SEC14L1: variants seen among roughly 807,000 people sequenced by gnomAD.
SEC14L1 encodes SEC14-like protein 1.
Under a neutral mutation model 85.3 loss-of-function variants are expected in SEC14L1, and 48 were observed. That is an observed-to-expected ratio of 0.56 (90% CI 0.45 to 0.72). The LOEUF is 0.72. Among genes scored for constraint, SEC14L1 ranks in the 30% least tolerant of loss-of-function variants. The pLI, the probability that SEC14L1 is intolerant of heterozygous loss-of-function variation, is 0.00. For missense variants in SEC14L1, 682 were observed against 921.4 expected (o/e 0.74, Z 3.36); for synonymous variants, 391 against 355.5 (o/e 1.10, Z -1.12).
At chr17:77,207,995 C>T (rs1407616481) in intron 13 of SEC14L1, among the ~76,000 whole-genome samples, 4 of 152,084 alleles carry the variant, frequency 2.6e-5, no homozygotes, top group African/African-American at 7.2e-5. Context: ...TGGCACACGG[C>T]GGTGGCTGAA....
intron 3 of SEC14L1, among the ~76,000 whole-genome samples, chr17:77,122,480 T>C (rs1247892922): frequency 6.6e-6 from 1 of 152,152 alleles, no homozygotes; most frequent in Non-Finnish European, 1.5e-5. Flanking sequence ...TTTTTTATTT[T>C]TTGTAAAAAC....
intron 13 of SEC14L1, among the ~76,000 whole-genome samples, chr17:77,207,403 TG>T (rs1976520436): frequency 1.3e-5 from 2 of 151,822 alleles, no homozygotes; most frequent in Admixed American, 1.3e-4. Context: ...GCGAATTTTT[TG>T]TAGAGGCAGA....
At position 77,212,062 on chromosome 17, in the gene SEC14L1, A is replaced by G; in HGVS notation, c.1724A>G (p.Lys575Arg). Residue 575 changes from lysine (K) to arginine (R), a missense_variant, in exon 15 of 17, where the codon AAA (lysine) becomes AGA (arginine). Lys to Arg is a conservative substitution (Grantham distance 26). Around this residue, in one of 3 missense-constraint regions of SEC14L1, gnomAD observed 420 missense variants for 619.5 expected, o/e 0.68. Coordinates refer to ENST00000436233, the MANE Select transcript of SEC14L1 (RefSeq NM_001143998.2). ...TCCAAGAGGTCGCCACAACCACCCAAAAAGGACTCCCTGGGAGCCCACAGC... is the reference window on the plus strand; with the variant it reads ...TCCAAGAGGTCGCCACAACCACCCAGAAAGGACTCCCTGGGAGCCCACAGC... ...YHSKRSPQPP[K>R]KDSLGAHSIT... 6.2e-7 allele frequency: 1 copy of G among 1,614,134 alleles called. No homozygotes were observed. Among genetic ancestry groups the G allele is most frequent in the South Asian group, 1.1e-5 (1 of 91,082 alleles).
chr17:77,147,483 A>AT (rs1480487534), intron 3 of SEC14L1, among the ~76,000 whole-genome samples: 2 of 152,132 alleles, frequency 1.3e-5, no homozygotes, highest in Non-Finnish European at 2.9e-5. Context: ...GTTTTGTTAG[A>AT]TATCAGCCCA....
intron 15 of SEC14L1, 79 bp downstream of exon 15, chr17:77,212,280 T>C: frequency 6.4e-7 from 1 of 1,560,052 alleles, no homozygotes; most frequent in Non-Finnish European, 8.7e-7. Context: ...GACTCTTTGC[T>C]TCGCTCCTTG....
At chr17:77,137,432 G>T (rs1972831037), upstream of SEC14L1, among the ~76,000 whole-genome samples, 1 of 152,190 alleles carries the variant, frequency 6.6e-6, no homozygotes, top group Non-Finnish European at 1.5e-5. Flanking sequence ...ATTTTTAAGT[G>T]AGAAGATCTC....
intron 3 of SEC14L1, among the ~76,000 whole-genome samples, chr17:77,164,490 C>T (rs1488404654): frequency 6.6e-6 from 1 of 152,204 alleles, no homozygotes; most frequent in Admixed American, 6.5e-5. Context: ...AGCGCTCCCC[C>T]TTTGTTGGTG....
chr17:77,154,003 T>C (rs1238620228), intron 3 of SEC14L1, among the ~76,000 whole-genome samples: 1 of 152,238 alleles, frequency 6.6e-6, no homozygotes, highest in Non-Finnish European at 1.5e-5. Flanking sequence ...AGCAGCCCTC[T>C]GTATCCTTGT....
At chr17:77,089,972 TCACA>T (rs56206682) in intron 2 of SEC14L1, 3,078 of 133,682 alleles carry the variant, frequency 0.023, 68 homozygotes, top group Admixed American at 0.06. Flanking sequence ...GGAGCCGAGA[TCACA>T]CACACCACTG....
At chr17:77,158,720 T>C (rs1973917160) in intron 3 of SEC14L1, among the ~76,000 whole-genome samples, 1 of 151,764 alleles carries the variant, frequency 6.6e-6, no homozygotes, top group African/African-American at 2.4e-5. Context: ...CCGATGGACG[T>C]TGGGTTGTTT....
At chr17:77,201,899 A>G (rs145452765) in intron 9 of SEC14L1, among the ~76,000 whole-genome samples, 1 of 152,342 alleles carries the variant, frequency 6.6e-6, no homozygotes, top group Non-Finnish European at 1.5e-5. Flanking sequence ...GGTGACAAAT[A>G]CAAGATAAAT....
At chr17:77,152,578 A>G (rs1472386183) in intron 3 of SEC14L1, 3 of 151,280 alleles carry the variant, frequency 2.0e-5, no homozygotes, top group East Asian at 1.9e-4. Flanking sequence ...TGCCAGCTCT[A>G]TTGCAAGTTA....
intron 3 of SEC14L1, among the ~76,000 whole-genome samples, chr17:77,099,700 G>T (rs1035943384): frequency 2.0e-5 from 3 of 152,152 alleles, no homozygotes; most frequent in Admixed American, 2.0e-4. Context: ...AGGTTGCAGT[G>T]AGCTGAGATC....
chr17:77,185,482 G>A (rs1975226067), intron 3 of SEC14L1: 1 of 634,944 alleles, frequency 1.6e-6, no homozygotes, highest in South Asian at 6.9e-5. Context: ...GTGAGGCTGC[G>A]TGGGTGACAC....
Position 77,211,953 on chromosome 17 carries a change from C to G in SEC14L1, c.1615C>G (p.Leu539Val), listed in dbSNP as rs754995888. 2 of 1,613,722 alleles carry G rather than the reference C, an allele frequency of 1.2e-6. No individual in the cohort carries two copies. The highest frequency in any genetic ancestry group is 1.7e-6 in the Non-Finnish European group (2 of 1,179,786). Residue 539 changes from leucine (L) to valine (V), a missense_variant, in exon 15 of 17, where the codon CTC becomes GTC. By Grantham distance (32) the Leu-to-Val change is conservative. Around this residue, in one of 3 missense-constraint regions of SEC14L1, gnomAD observed 420 missense variants for 619.5 expected, o/e 0.68. Coordinates refer to ENST00000436233, the MANE Select transcript of SEC14L1 (RefSeq NM_001143998.2). ...CCTAACGCTGCCTCTTTTTCAGATT[C>G]TCATTCAGATTGTGGATGCCTCGTC... The part of the protein sequence containing the change: ...SVFKGAPHEI[L>V]IQIVDASSVI...
intron 3 of SEC14L1, among the ~76,000 whole-genome samples, chr17:77,095,566 G>A (rs1434051597): frequency 6.6e-6 from 1 of 152,192 alleles, no homozygotes; most frequent in African/African-American, 2.4e-5. Context: ...GGTGGCTTGC[G>A]CCTGTAATCC....
chr17:77,123,487 C>G (rs1269933973), intron 3 of SEC14L1, among the ~76,000 whole-genome samples: 1 of 139,578 alleles, frequency 7.2e-6, no homozygotes, highest in African/African-American at 2.7e-5. Context: ...TCTTGGCTCG[C>G]TGCAACCTCC....
intron 3 of SEC14L1, among the ~76,000 whole-genome samples, chr17:77,177,562 A>G (rs1974815155): frequency 6.6e-6 from 1 of 151,954 alleles, no homozygotes; most frequent in Admixed American, 6.6e-5. Flanking sequence ...AGTTTTAGCT[A>G]TGGTTAGTTG....
intron 8 of SEC14L1, among the ~76,000 whole-genome samples, chr17:77,198,760 G>T (rs559556043): frequency 4.6e-5 from 7 of 152,098 alleles, no homozygotes; most frequent in African/African-American, 1.7e-4. Context: ...TTTTAGTAGA[G>T]ATGGGGTTTC....
Sources: gnomAD v4.1 joint callset for allele counts (sites outside exome capture counted in the v4.1 genomes callset) on GRCh38, gnomAD v4.1.1 for gene constraint, gnomAD v4.1.1 regional missense constraint, MANE v1.5 for transcripts, NCBI Gene and HGNC (gene_info 2026-07-23, HGNC 2026-07-21) for gene names.